The following MKLN1 variants were observed in gnomAD, a reference collection of about 807,000 sequenced individuals.
MKLN1 encodes muskelin.
A neutral mutation model predicts 99.0 loss-of-function variants in MKLN1; 18 were observed. That is an observed-to-expected ratio of 0.18 (90% CI 0.13 to 0.27). The LOEUF is 0.27. Ranked by LOEUF, MKLN1 falls within the 10% of genes least tolerant of loss-of-function variation. The probability of loss-of-function intolerance (pLI) is 1.00; values close to 1 mark genes in which losing one functional copy is unlikely to be tolerated. For missense variants in MKLN1, 621 were observed against 875.9 expected (o/e 0.71, Z 3.67); for synonymous variants, 288 against 293.2 (o/e 0.98, Z 0.18).
intron 3 of MKLN1, among the ~76,000 whole-genome samples, chr7:131,269,174 G>T (rs922880619): frequency 2.6e-5 from 4 of 152,200 alleles, no homozygotes; most frequent in African/African-American, 9.6e-5. Context: ...GAATAAATGT[G>T]TTATAAACAT....
In MKLN1 at chr7:131,447,691, A is replaced by T. The variant is rs922610768; in HGVS notation, c.1525+1788A>T. 5.9e-5 allele frequency among the ~76,000 whole-genome samples: 9 copies of T among 152,264 alleles called. 1 individual carries two copies. The highest frequency in any genetic ancestry group is 2.9e-5 in the Non-Finnish European group (2 of 68,044). On this transcript the variant is annotated intron_variant, in intron 12 of 17. Transcript: ENST00000352689. The stretch of plus-strand genomic sequence containing the variant: ...GTGCTAGACTACGGACACAGTGGAT[A>T]CAAGGCAATCACAGTCTCTCAAAGT...
chr7:131,220,903 T>C lies in MKLN1; in HGVS notation c.-179+17929T>C, dbSNP rs76399680. On this transcript the variant is annotated intron_variant, in intron 3 of 7. Transcript: ENST00000416992. ...TGCTTATATTTAATTAATGATATTA[T>C]ATAACATATTATGTAATATATTCTA... 5.7e-3 allele frequency among the ~76,000 whole-genome samples: 875 copies of C among 152,328 alleles called. 12 individuals carry two copies. Among genetic ancestry groups the C allele is most frequent in the African/African-American group, 0.02 (839 of 41,576 alleles).
intron 1 of MKLN1, among the ~76,000 whole-genome samples, chr7:131,126,218 C>T (rs925875591): frequency 6.6e-6 from 1 of 151,906 alleles, no homozygotes; most frequent in African/African-American, 2.4e-5. Flanking sequence ...ATCCGTGAGA[C>T]CCATGAGAAT....
intron 1 of MKLN1, among the ~76,000 whole-genome samples, chr7:131,372,953 G>A (rs1222696230): frequency 2.7e-5 from 4 of 150,240 alleles, no homozygotes; most frequent in African/African-American, 4.9e-5. Context: ...TTTTCCTGCA[G>A]TATGTTTCAA....
intron 3 of MKLN1, among the ~76,000 whole-genome samples, chr7:131,253,297 C>T (rs1797610043): frequency 1.3e-5 from 2 of 152,086 alleles, no homozygotes; most frequent in Admixed American, 1.3e-4. Flanking sequence ...AACAGAGCTC[C>T]CTCTCCTCCC....
At chr7:131,189,053 A>G (rs1412088403) in intron 2 of MKLN1, among the ~76,000 whole-genome samples, 2 of 152,228 alleles carry the variant, frequency 1.3e-5, no homozygotes, top group South Asian at 2.1e-4. Flanking sequence ...CCAGGGAATC[A>G]GACTCAGTTT....
intron 1 of MKLN1, among the ~76,000 whole-genome samples, chr7:131,116,696 T>G (rs1795283176): frequency 6.6e-6 from 1 of 151,926 alleles, no homozygotes; most frequent in Non-Finnish European, 1.5e-5. Context: ...AAAAAACCTT[T>G]AAAACTCTGG....
chr7:131,302,897 C>T (rs1798396214), intron 3 of MKLN1, among the ~76,000 whole-genome samples: 1 of 152,178 alleles, frequency 6.6e-6, no homozygotes, highest in Non-Finnish European at 1.5e-5. Flanking sequence ...ATGAGAAGGT[C>T]AGCTGGCTGG....
intron 2 of MKLN1, among the ~76,000 whole-genome samples, chr7:131,386,427 A>G (rs773204262): frequency 6.6e-6 from 1 of 152,130 alleles, no homozygotes; most frequent in Non-Finnish European, 1.5e-5. Context: ...TTTATCACCT[A>G]TATTATCCAA....
chr7:131,467,610 T>C (rs1291660670), intron 15 of MKLN1, among the ~76,000 whole-genome samples: 1 of 151,600 alleles, frequency 6.6e-6, no homozygotes, highest in Non-Finnish European at 1.5e-5. Context: ...GAGAAGTGAA[T>C]TGAGAAGAAG....
rs1052503113 is a variant in MKLN1, at chr7:131,492,488, T to C, written c.*4760T>C. The C allele has an allele frequency of 1.3e-5, 2 of 152,088 alleles. No homozygotes were observed. The highest frequency in any genetic ancestry group is 2.9e-5 in the Non-Finnish European group (2 of 68,036). 9.4% of individuals were successfully genotyped at this position (152,088 alleles called of 1,614,324 possible). ...GACTCACGCCTGTAATCCCAGACCTTTGGGAGGCTGACACGGGAAGATTGC... is the reference window on the plus strand; with the variant it reads ...GACTCACGCCTGTAATCCCAGACCTCTGGGAGGCTGACACGGGAAGATTGC... On this transcript the variant is annotated 3_prime_UTR_variant, in exon 18 of 18. Transcript: ENST00000352689.
chr7:131,375,259 A>G (rs1584667981), intron 1 of MKLN1, among the ~76,000 whole-genome samples, 165 bp from the exon 2 acceptor site: 1 of 152,140 alleles, frequency 6.6e-6, no homozygotes, highest in Non-Finnish European at 1.5e-5. Flanking sequence ...TTAAAATCTT[A>G]TATCTACTAG....
At chr7:131,133,371 T>G (rs1795590980) in intron 1 of MKLN1, among the ~76,000 whole-genome samples, 2 of 143,980 alleles carry the variant, frequency 1.4e-5, no homozygotes, top group South Asian at 4.5e-4. Context: ...TTTTTTTTTT[T>G]TGAGATGGAG....
intron 17 of MKLN1, among the ~76,000 whole-genome samples, chr7:131,484,601 T>C (rs1797222115): frequency 1.3e-5 from 2 of 152,300 alleles, no homozygotes; most frequent in Non-Finnish European, 2.9e-5. Context: ...ATGGTGTTAC[T>C]TTATAAAGAG....
intron 2 of MKLN1, among the ~76,000 whole-genome samples, chr7:131,381,201 A>T (rs539225287): frequency 4.3e-4 from 66 of 152,334 alleles, no homozygotes; most frequent in Non-Finnish European, 6.9e-4. Flanking sequence ...ATTGCAGTAA[A>T]GGAGTTATGA....
chr7:131,261,817 T>C (rs945837859), intron 3 of MKLN1, among the ~76,000 whole-genome samples: 1 of 152,124 alleles, frequency 6.6e-6, no homozygotes, highest in African/African-American at 2.4e-5. Flanking sequence ...TATGCAGCCA[T>C]AAAAACAAAA....
intron 3 of MKLN1, among the ~76,000 whole-genome samples, chr7:131,289,373 C>A (rs973506145): frequency 6.6e-6 from 1 of 152,150 alleles, no homozygotes; most frequent in Non-Finnish European, 1.5e-5. Context: ...CGCCTGTGGT[C>A]CCAGCACTTT....
intron 13 of MKLN1, 41 bp downstream of exon 13, chr7:131,463,405 T>C: frequency 1.3e-6 from 2 of 1,562,310 alleles, no homozygotes; most frequent in African/African-American, 2.7e-5. Context: ...AATGTAATAA[T>C]TATTTGAGGT....
chr7:131,182,529 T>C (rs1235774144), intron 2 of MKLN1, among the ~76,000 whole-genome samples: 5 of 152,242 alleles, frequency 3.3e-5, no homozygotes, highest in African/African-American at 9.6e-5. Flanking sequence ...GACCAAACCT[T>C]ATATCTTCCA....
Sources: allele counts gnomAD v4.1 joint callset (sites outside exome capture counted in the v4.1 genomes callset), GRCh38; gene constraint gnomAD v4.1.1; transcripts MANE v1.5; gene names NCBI Gene and HGNC (gene_info 2026-07-23, HGNC 2026-07-21).